PIBF1: variants seen among roughly 807,000 people sequenced by gnomAD.
PIBF1 encodes progesterone-induced-blocking factor 1.
In PIBF1, 90 loss-of-function variants were observed where a neutral mutation model predicts 112.5. The ratio of observed to expected loss-of-function variants is 0.80; its 90% CI spans 0.67 to 0.95. PIBF1 has a LOEUF of 0.95. Among genes scored for constraint, PIBF1 ranks in the 40% least tolerant of loss-of-function variants. PIBF1 has a pLI of 0.00. For synonymous variants in PIBF1, 301 were observed against 288.6 expected (o/e 1.04, Z -0.44); for missense variants, 915 against 852.3 (o/e 1.07, Z -0.92).
chr13:72,990,859 T>A (rs1394739193), intron 16 of PIBF1, among the ~76,000 whole-genome samples: 1 of 152,162 alleles, frequency 6.6e-6, no homozygotes, highest in Non-Finnish European at 1.5e-5. Flanking sequence ...AATAAATTAA[T>A]TAATTAATTT....
chr13:72,832,220 G>A (rs9564924), intron 8 of PIBF1, among the ~76,000 whole-genome samples: 40,180 of 151,294 alleles, frequency 0.27, 6,612 homozygotes, highest in East Asian at 0.47. Context: ...CTCTTCATCC[G>A]ATTTGCCAGT....
intron 10 of PIBF1, among the ~76,000 whole-genome samples, chr13:72,892,024 G>C (rs1017898612): frequency 2.0e-5 from 3 of 152,052 alleles, no homozygotes; most frequent in African/African-American, 7.2e-5. Context: ...GCCAGGCCTG[G>C]ATGAAGAGAA....
At chr13:72,826,956 C>T (rs1281420832) in intron 6 of PIBF1, 54 bp from the exon 7 acceptor site, 11 of 1,006,618 alleles carry the variant, frequency 1.1e-5, no homozygotes, top group South Asian at 5.1e-5. Flanking sequence ...TTAAAGTGTA[C>T]GCTGTACAAG....
chr13:72,793,134 TA>T (rs1432945099), intron 3 of PIBF1, among the ~76,000 whole-genome samples: 1 of 152,222 alleles, frequency 6.6e-6, no homozygotes, highest in African/African-American at 2.4e-5. Flanking sequence ...AAATGTCTTT[TA>T]GGATCTCATG....
In PIBF1 at chr13:72,974,458, TA is replaced by T. The variant is rs1275371699; in HGVS notation, c.2049+784del. On this transcript the variant is annotated intron_variant, in intron 16 of 17. Coordinates refer to ENST00000326291, the MANE Select transcript of PIBF1 (RefSeq NM_006346.4). ...AATGCTATAAAAGTGAAATTATCAG[TA>T]TATAGCCTTTTGAGTCTGGCTTTTC... 5.3e-5 allele frequency among the ~76,000 whole-genome samples: 8 copies of T among 152,346 alleles called. No individual in the cohort carries two copies. The East Asian group carries it at 5.8e-4, about 11-fold the overall frequency.
intron 15 of PIBF1, among the ~76,000 whole-genome samples, chr13:72,967,963 A>T (rs1005658833): frequency 1.3e-5 from 2 of 152,048 alleles, no homozygotes; most frequent in African/African-American, 4.8e-5. Context: ...AGGCGGGCGG[A>T]TCACGAGGTC....
chr13:72,807,540 A>C (rs2035799020), intron 5 of PIBF1, among the ~76,000 whole-genome samples: 1 of 151,462 alleles, frequency 6.6e-6, no homozygotes, highest in Admixed American at 6.6e-5. Context: ...GTGCCACTGC[A>C]CTCCAACCTG....
At chr13:72,933,675 A>T (rs1271032372) in intron 14 of PIBF1, among the ~76,000 whole-genome samples, 1 of 152,236 alleles carries the variant, frequency 6.6e-6, no homozygotes, top group Admixed American at 6.5e-5. Context: ...AAATAAAAAG[A>T]AAGAATTTCT....
chr13:72,843,561 G>A (rs936087602), intron 9 of PIBF1, among the ~76,000 whole-genome samples: 1 of 152,176 alleles, frequency 6.6e-6, no homozygotes, highest in Non-Finnish European at 1.5e-5. Context: ...ATAGGCATGT[G>A]CCACTATGCC....
chr13:72,894,077 A>AC, intron 11 of PIBF1, 128 bp downstream of exon 11: 1 of 472,872 alleles, frequency 2.1e-6, no homozygotes. Context: ...AAAAAAAAAA[A>AC]AACAAGGAAA....
At chr13:72,935,390 T>G (rs1349790545) in intron 14 of PIBF1, among the ~76,000 whole-genome samples, 1 of 152,228 alleles carries the variant, frequency 6.6e-6, no homozygotes, top group Non-Finnish European at 1.5e-5. Context: ...AGTTCATTTT[T>G]TTCATTACTG....
intron 14 of PIBF1, among the ~76,000 whole-genome samples, chr13:72,935,701 A>T (rs185411815): frequency 6.6e-5 from 10 of 152,212 alleles, no homozygotes; most frequent in Admixed American, 5.9e-4. Flanking sequence ...CCTTGCCTTG[A>T]TATGGTTAGT....
chr13:72,933,895 G>C (rs993322174), intron 14 of PIBF1, among the ~76,000 whole-genome samples: 1 of 152,216 alleles, frequency 6.6e-6, no homozygotes, highest in Non-Finnish European at 1.5e-5. Context: ...ATGAGAAAAG[G>C]AGGAAGGGCT....
At chr13:72,945,027 T>C (rs916682847) in intron 14 of PIBF1, among the ~76,000 whole-genome samples, 1 of 152,148 alleles carries the variant, frequency 6.6e-6, no homozygotes, top group African/African-American at 2.4e-5. Flanking sequence ...CCAATAGTTT[T>C]TCAACCCTTG....
chr13:72,993,066 G>T (rs2043530535), intron 16 of PIBF1, among the ~76,000 whole-genome samples: 1 of 152,198 alleles, frequency 6.6e-6, no homozygotes, highest in Non-Finnish European at 1.5e-5. Flanking sequence ...AGATGCAGTG[G>T]CTCACGCCTG....
intron 5 of PIBF1, among the ~76,000 whole-genome samples, chr13:72,800,765 G>C (rs1395442423): frequency 1.3e-5 from 2 of 152,084 alleles, no homozygotes; most frequent in African/African-American, 4.8e-5. Context: ...TTTTAAAAGG[G>C]AAAACAATAG....
rs56274598 is a variant in PIBF1 at position 72,935,679 on chromosome 13, A to G, written c.1833+4412A>G. On this transcript the variant is annotated intron_variant, in intron 14 of 17. Coordinates refer to ENST00000326291, the MANE Select transcript of PIBF1 (RefSeq NM_006346.4). ...CCACCAATAATGTATGAAAGTTCCA[A>G]TTTTTCTACATCCTTGCCTTGATAT... Among the ~76,000 whole-genome samples the G allele has an allele frequency of 5.9e-3, 904 of 152,112 alleles. 6 individuals carry two copies. Among genetic ancestry groups the G allele is most frequent in the African/African-American group, 0.02 (825 of 41,478 alleles).
intron 5 of PIBF1, among the ~76,000 whole-genome samples, chr13:72,803,697 A>G (rs893380128): frequency 1.4e-4 from 21 of 152,324 alleles, no homozygotes; most frequent in Middle Eastern, 6.8e-3. Flanking sequence ...GATTTAAAAA[A>G]CAACTGAAGA....
chr13:73,015,466 C>T (rs2044356808), intron 17 of PIBF1, among the ~76,000 whole-genome samples: 1 of 152,138 alleles, frequency 6.6e-6, no homozygotes, highest in South Asian at 2.1e-4. Flanking sequence ...AGATCTAAAA[C>T]ACAATAATTT....
Sources: gnomAD v4.1 joint callset for allele counts (sites outside exome capture counted in the v4.1 genomes callset) on GRCh38, gnomAD v4.1.1 for gene constraint, MANE v1.5 for transcripts, NCBI Gene and HGNC (gene_info 2026-07-23, HGNC 2026-07-21) for gene names.